The following SV2C variants were observed in gnomAD, a reference collection of about 807,000 sequenced individuals.
SV2C encodes the protein synaptic vesicle glycoprotein 2C.
In SV2C, 49 loss-of-function variants were observed where a neutral mutation model predicts 79.7. That is an observed-to-expected ratio of 0.61 (90% CI 0.49 to 0.78). The LOEUF is 0.78. Among genes scored for constraint, SV2C ranks in the 30% least tolerant of loss-of-function variants. SV2C has a pLI of 0.00. For synonymous variants in SV2C, 334 were observed against 333.2 expected, an observed-to-expected ratio of 1.00 and a Z score of -0.03; for missense variants, 833 against 912.9, an observed-to-expected ratio of 0.91 and a Z score of 1.13.
At chr5:76,071,566 G>A in the SV2C span, among the ~76,000 whole-genome samples, 4 of 152,170 alleles carry the variant, frequency 2.6e-5, no homozygotes, top group Admixed American at 6.5e-5. Flanking sequence ...TATTAATACC[G>A]AATGTTTCCA....
chr5:76,311,942 T>C (rs993145211), intron 12 of SV2C, among the ~76,000 whole-genome samples: 107 of 152,170 alleles, frequency 7.0e-4, no homozygotes, highest in African/African-American at 2.5e-3. Context: ...ATACCCTAAC[T>C]GGGAAAAATA....
chr5:75,968,521 T>A, the SV2C span, among the ~76,000 whole-genome samples: 1 of 152,128 alleles, frequency 6.6e-6, no homozygotes, highest in East Asian at 1.9e-4. Context: ...GAGAACTACA[T>A]GACGAATGCA....
the SV2C span, among the ~76,000 whole-genome samples, chr5:76,035,924 G>T: frequency 6.6e-6 from 1 of 152,030 alleles, no homozygotes; most frequent in East Asian, 1.9e-4. Flanking sequence ...ATGAATCTGG[G>T]TGCTCCTGTA....
intron 2 of SV2C, among the ~76,000 whole-genome samples, chr5:76,145,071 T>C (rs936692313): frequency 3.4e-4 from 51 of 152,222 alleles, no homozygotes; most frequent in African/African-American, 1.2e-3. Flanking sequence ...ACCTCCATAC[T>C]GGGAGGGGCC....
intron 2 of SV2C, among the ~76,000 whole-genome samples, chr5:76,140,282 T>C (rs1417157618): frequency 6.6e-6 from 1 of 152,232 alleles, no homozygotes; most frequent in Non-Finnish European, 1.5e-5. Context: ...TAGTTTTTAC[T>C]TGGATGCTGG....
chr5:75,892,583 T>G, the SV2C span, among the ~76,000 whole-genome samples: 8 of 152,088 alleles, frequency 5.3e-5, no homozygotes, highest in Admixed American at 5.2e-4. Flanking sequence ...CTTGGCTCCC[T>G]TCCTCATCTT....
chr5:76,142,582 A>G (rs895963770), intron 2 of SV2C, among the ~76,000 whole-genome samples: 4 of 152,224 alleles, frequency 2.6e-5, no homozygotes, highest in African/African-American at 9.6e-5. Context: ...GTTACTGAGC[A>G]TTTGAATGTA....
chr5:76,188,006 C>G (rs1191806727), intron 2 of SV2C, among the ~76,000 whole-genome samples: 4 of 152,116 alleles, frequency 2.6e-5, no homozygotes, highest in Non-Finnish European at 4.4e-5. Context: ...TGCCTGTAAT[C>G]CCAGCACTTT....
intron 4 of SV2C, among the ~76,000 whole-genome samples, chr5:76,227,613 C>A (rs1326178895): frequency 6.6e-6 from 1 of 152,184 alleles, no homozygotes; most frequent in Non-Finnish European, 1.5e-5. Context: ...ATCTTTATAA[C>A]CTCCGTGGCA....
chr5:75,997,035 G>C, the SV2C span, among the ~76,000 whole-genome samples: 2 of 149,828 alleles, frequency 1.3e-5, no homozygotes, highest in Non-Finnish European at 3.0e-5. Context: ...AATAGGAGTG[G>C]TGAGAGAGGG....
chr5:76,318,998 TTAAG>T (rs1188966572), intron 12 of SV2C, among the ~76,000 whole-genome samples: 3 of 152,168 alleles, frequency 2.0e-5, no homozygotes, highest in African/African-American at 7.2e-5. Context: ...ACAGTTTCCT[TTAAG>T]TAAGAACAGA....
intron 4 of SV2C, among the ~76,000 whole-genome samples, chr5:76,271,805 A>G (rs970072021): frequency 6.6e-6 from 1 of 152,102 alleles, no homozygotes; most frequent in African/African-American, 2.4e-5. Context: ...CCAAGAAATC[A>G]GCTTTTTGAA....
intron 2 of SV2C, among the ~76,000 whole-genome samples, chr5:76,134,021 C>G (rs547336098): frequency 2.8e-4 from 43 of 152,248 alleles, no homozygotes; most frequent in Non-Finnish European, 6.0e-4. Flanking sequence ...CTAAGCCAAA[C>G]TTGCCCTATG....
the SV2C span, among the ~76,000 whole-genome samples, chr5:76,057,862 C>G: frequency 1.2e-4 from 19 of 152,020 alleles, no homozygotes; most frequent in Admixed American, 1.1e-3. Context: ...AAAATTATGG[C>G]AAACAGCAAA....
chr5:76,072,297 T>C, the SV2C span, among the ~76,000 whole-genome samples: 1 of 152,346 alleles, frequency 6.6e-6, no homozygotes, highest in East Asian at 1.9e-4. Context: ...TTATTCAAAA[T>C]GTGTTTAGCA....
the SV2C span, among the ~76,000 whole-genome samples, chr5:76,031,466 G>A: frequency 3.9e-5 from 6 of 152,152 alleles, no homozygotes; most frequent in South Asian, 2.1e-4. Flanking sequence ...TGATCCACTC[G>A]GTGCCTGCCA....
chr5:76,289,233 A>G (rs918251021), intron 6 of SV2C, among the ~76,000 whole-genome samples: 2 of 152,074 alleles, frequency 1.3e-5, no homozygotes, highest in Admixed American at 6.6e-5. Context: ...CCTTACCTTA[A>G]ATATTGTTTT....
intron 4 of SV2C, among the ~76,000 whole-genome samples, chr5:76,220,455 T>G (rs1421990020): frequency 6.6e-6 from 1 of 152,048 alleles, no homozygotes; most frequent in African/African-American, 2.4e-5. Context: ...GTGGATCACT[T>G]GAGCTCAGGA....
Position 76,325,757 on chromosome 5 carries a change from ATTG to A in SV2C, c.*213_*215del. ...TGTTTGTTTTGTTTTGTTTGAATGC[ATTG>A]TTATCTTTCCAAACTGTGATGCTAC... On this transcript the variant is annotated 3_prime_UTR_variant, in exon 13 of 13. Transcript: ENST00000502798. 1.6e-6 allele frequency: 1 copy of A among 633,188 alleles called. No individual in the cohort carries two copies. The highest frequency in any genetic ancestry group is 2.7e-5 in the South Asian group (1 of 36,738). 39.2% of individuals were successfully genotyped at this position (633,188 alleles called of 1,614,324 possible).
Sources: allele counts gnomAD v4.1 joint callset (sites outside exome capture counted in the v4.1 genomes callset), GRCh38; gene constraint gnomAD v4.1.1; transcripts MANE v1.5; gene names NCBI Gene and HGNC (gene_info 2026-07-23, HGNC 2026-07-21).